Variants in LGR4 observed in about 807,000 individuals in gnomAD.
The protein encoded by LGR4 is leucine-rich repeat-containing G protein-coupled receptor 4.
Under a neutral mutation model 84.8 loss-of-function variants are expected in LGR4, and 44 were observed. That is an observed-to-expected ratio of 0.52 (90% CI 0.41 to 0.67). LGR4 has a LOEUF of 0.67. Among genes scored for constraint, LGR4 ranks in the 30% least tolerant of loss-of-function variants. The probability of loss-of-function intolerance (pLI) is 0.00; values close to 1 mark genes in which losing one functional copy is unlikely to be tolerated. For synonymous variants in LGR4, 429 were observed against 434.3 expected (o/e 0.99, Z 0.15); for missense variants, 1,032 against 1,131.4 (o/e 0.91, Z 1.26).
intron 1 of LGR4, among the ~76,000 whole-genome samples, chr11:27,441,233 T>C (rs1344322160): frequency 4.6e-5 from 7 of 151,820 alleles, no homozygotes; most frequent in African/African-American, 1.2e-4. Context: ...CTAAATGATG[T>C]GAACAAGATC....
Position 27,369,161 on chromosome 11 carries a change from A to G in LGR4, c.1580-18T>C, listed in dbSNP as rs769838846. The G allele has an allele frequency of 5.2e-6, 8 of 1,525,198 alleles. No individual in the cohort carries two copies. The Admixed American group carries it at 1.7e-4, about 33-fold the overall frequency. The allele number at this position is 1,525,198 out of a possible 1,614,324, so 94.5% of individuals were successfully genotyped here. On this transcript the variant is annotated intron_variant, in intron 17 of 17. Coordinates refer to ENST00000379214, the MANE Select transcript of LGR4 (RefSeq NM_018490.5). ...AAAAGCACCTAAAAAAAACACACAC[A>G]GAGAGAGAGAAATAAAAGATAACTT...
intron 2 of LGR4, among the ~76,000 whole-genome samples, chr11:27,402,584 A>G (rs1863524465): frequency 6.6e-6 from 1 of 152,176 alleles, no homozygotes; most frequent in African/African-American, 2.4e-5. Flanking sequence ...TGCCTAAATG[A>G]TAACTACTCT....
rs771305054 is a variant in LGR4 at position 27,472,194 on chromosome 11, C to T, written c.109G>A (p.Gly37Ser). 1.5e-6 allele frequency: 2 copies of T among 1,368,290 alleles called. No individual in the cohort carries two copies. The highest frequency in any genetic ancestry group is 3.6e-5 in the East Asian group (1 of 27,582). The allele number at this position is 1,368,290 out of a possible 1,614,324, so 84.8% of individuals were successfully genotyped here. The part of the protein sequence containing the change: ...PLCAAPCSCD[G>S]DRRVDCSGKG... ...CCGGAGCAGTCCACCCGACGGTCGC[C>T]GTCGCAGCTGCAGGGCGCCGCGCAG... Residue 37 changes from glycine to serine, a missense_variant, in exon 1 of 18, where the codon GGC becomes AGC. Gly to Ser is a moderately conservative substitution (Grantham distance 56). Coordinates refer to ENST00000379214, the MANE Select transcript of LGR4 (RefSeq NM_018490.5).
intron 1 of LGR4, among the ~76,000 whole-genome samples, chr11:27,446,802 T>C (rs1365785900): frequency 1.3e-5 from 2 of 152,044 alleles, no homozygotes; most frequent in Non-Finnish European, 2.9e-5. Context: ...CCATCAATGA[T>C]AGACTGGATT....
At chr11:27,421,762 ATTTG>A (rs1242474224) in intron 1 of LGR4, among the ~76,000 whole-genome samples, 2 of 152,160 alleles carry the variant, frequency 1.3e-5, no homozygotes, top group Admixed American at 6.5e-5. Context: ...GGTTTTGTTT[ATTTG>A]TTTGTTTTTC....
At chr11:27,389,809 C>T (rs898784727) in intron 4 of LGR4, among the ~76,000 whole-genome samples, 3 of 151,098 alleles carry the variant, frequency 2.0e-5, no homozygotes, top group Admixed American at 1.3e-4. Flanking sequence ...TGAAGTCAGC[C>T]GAATAACATT....
chr11:27,438,282 A>T (rs1864246007), intron 1 of LGR4, among the ~76,000 whole-genome samples: 1 of 152,222 alleles, frequency 6.6e-6, no homozygotes, highest in Non-Finnish European at 1.5e-5. Flanking sequence ...TAGAATGAAC[A>T]TCTATTTTCC....
Position 27,385,359 on chromosome 11 carries a change from G to A in LGR4, c.511C>T (p.His171Tyr). Residue 171 changes from histidine to tyrosine, a missense_variant, in exon 5 of 18, where the codon CAC becomes TAC. Transcript: ENST00000379214. ...AGGGTGGGCAGATTGCTGAGGGGGT[G>A]CACAGGCACCTCCGTCAAGCTGTTG... ...DDNSLTEVPVHPLSNLPTLQA... is the reference protein window; with the variant it reads ...DDNSLTEVPVYPLSNLPTLQA... 6.2e-7 allele frequency: 1 copy of A among 1,612,212 alleles called. No individual in the cohort carries two copies. The highest frequency in any genetic ancestry group is 8.5e-7 in the Non-Finnish European group (1 of 1,179,284).
chr11:27,451,872 T>C (rs1864486756), intron 1 of LGR4, among the ~76,000 whole-genome samples: 1 of 152,190 alleles, frequency 6.6e-6, no homozygotes, highest in South Asian at 2.1e-4. Flanking sequence ...GTCCATTCCA[T>C]TCAAAAATAT....
chr11:27,439,804 A>G (rs1360811157), intron 1 of LGR4, among the ~76,000 whole-genome samples: 1 of 152,122 alleles, frequency 6.6e-6, no homozygotes, highest in Non-Finnish European at 1.5e-5. Flanking sequence ...GTAGTGAGCG[A>G]ATACTTTAAA....
chr11:27,443,058 G>C (rs1432669956), intron 1 of LGR4, among the ~76,000 whole-genome samples: 4 of 152,162 alleles, frequency 2.6e-5, no homozygotes, highest in African/African-American at 7.2e-5. Context: ...TGAAACTGAG[G>C]CTCAGAAAGG....
chr11:27,373,463 C>T (rs1862921941), intron 15 of LGR4, 88 bp downstream of exon 15: 8 of 1,308,012 alleles, frequency 6.1e-6, no homozygotes, highest in Non-Finnish European at 8.2e-6. Flanking sequence ...ATCAGAAAAT[C>T]TGAGAACCAG....
At chr11:27,379,019 C>T in intron 10 of LGR4, 1 of 485,386 alleles carries the variant, frequency 2.1e-6, no homozygotes, top group South Asian at 3.0e-5. Context: ...CCACATGGAC[C>T]AGGAGGAAAA....
chr11:27,390,193 G>A (rs1169144222), intron 4 of LGR4, among the ~76,000 whole-genome samples: 1 of 151,948 alleles, frequency 6.6e-6, no homozygotes, highest in Non-Finnish European at 1.5e-5. Context: ...CAAACTGATG[G>A]GACAAGCAGC....
chr11:27,380,835 C>T, intron 8 of LGR4, 60 bp downstream of exon 8: 1 of 1,209,294 alleles, frequency 8.3e-7, no homozygotes, highest in Non-Finnish European at 1.2e-6. Flanking sequence ...GGGTGTTTGG[C>T]ATTGTACGGA....
intron 1 of LGR4, among the ~76,000 whole-genome samples, chr11:27,421,912 C>G (rs552126082): frequency 1.3e-5 from 2 of 152,262 alleles, no homozygotes; most frequent in East Asian, 3.9e-4. Flanking sequence ...AAAAAAATTA[C>G]TTTCCTGTCT....
intron 2 of LGR4, among the ~76,000 whole-genome samples, chr11:27,410,033 A>G (rs1425212762): frequency 6.6e-6 from 1 of 152,188 alleles, no homozygotes; most frequent in Non-Finnish European, 1.5e-5. Flanking sequence ...ATATAGTAGC[A>G]ACCACAGGCA....
intron 2 of LGR4, among the ~76,000 whole-genome samples, chr11:27,408,516 A>G (rs1253500619): frequency 6.6e-6 from 1 of 152,132 alleles, no homozygotes; most frequent in Non-Finnish European, 1.5e-5. Context: ...TTAGCTGGAT[A>G]TTCCTTTCTG....
Position 27,460,015 on chromosome 11 carries a change from G to A in LGR4, c.185+12103C>T, listed in dbSNP as rs146251747. 1.6e-3 allele frequency among the ~76,000 whole-genome samples: 245 copies of A among 152,164 alleles called. 2 individuals are homozygous for A. In the South Asian group the frequency reaches 0.03, roughly 19 times the overall value. On this transcript the variant is annotated intron_variant, in intron 1 of 17. Transcript: ENST00000379214. The stretch of plus-strand genomic sequence containing the variant: ...CTGAAGCATGAGAATCACTTGAACC[G>A]GGAAGCGGAGGCTACAGTGAGCCGA...
Sources: allele counts gnomAD v4.1 joint callset (sites outside exome capture counted in the v4.1 genomes callset), GRCh38; gene constraint gnomAD v4.1.1; transcripts MANE v1.5; gene names NCBI Gene and HGNC (gene_info 2026-07-23, HGNC 2026-07-21).